GTPBP4: variants seen among roughly 807,000 people sequenced by gnomAD.
The protein encoded by GTPBP4 is GTP binding protein 4, also known as GTP-binding protein 4.
A neutral mutation model predicts 81.7 loss-of-function variants in GTPBP4; 15 were observed. The ratio of observed to expected loss-of-function variants is 0.18; its 90% CI spans 0.12 to 0.28. The LOEUF is 0.28. GTPBP4 is among the 10% of genes least tolerant of loss of function. The probability of loss-of-function intolerance (pLI) is 1.00; values close to 1 mark genes in which losing one functional copy is unlikely to be tolerated. For missense variants in GTPBP4, 847 were observed against 793.8 expected, an observed-to-expected ratio of 1.07 and a Z score of -0.81; for synonymous variants, 272 against 274.6, an observed-to-expected ratio of 0.99 and a Z score of 0.09.
In GTPBP4 at chr10:996,095, A is replaced by C. The variant is rs1210078106; in HGVS notation, c.324-11A>C. 1 of 1,587,082 alleles carries C rather than the reference A, an allele frequency of 6.3e-7. No individual in the cohort carries two copies. Among genetic ancestry groups the C allele is most frequent in the African/African-American group, 1.4e-5 (1 of 73,322 alleles). On this transcript the variant is annotated splice_polypyrimidine_tract_variant and intron_variant, in intron 3 of 16. Coordinates refer to ENST00000360803, the MANE Select transcript of GTPBP4 (RefSeq NM_012341.3). ...GAAAGTGGAAAAAATAATATTTTTT[A>C]TTTTTTACAGTGTTGCTAAAGATTA...
At chr10:990,583 C>T (rs1404380648) in intron 1 of GTPBP4, among the ~76,000 whole-genome samples, 2 of 151,138 alleles carry the variant, frequency 1.3e-5, no homozygotes, top group Non-Finnish European at 2.9e-5. Flanking sequence ...ATTAGCCAGG[C>T]GTGGTGGCGG....
chr10:1,012,444 A>G (rs777601067), intron 13 of GTPBP4, 21 bp from the exon 14 acceptor site: 2 of 1,563,740 alleles, frequency 1.3e-6, no homozygotes, highest in Non-Finnish European at 8.7e-7. Context: ...ATTTTGCTTC[A>G]TTACAACTCC....
At chr10:996,898 G>T in intron 4 of GTPBP4, 1 of 321,076 alleles carries the variant, frequency 3.1e-6, no homozygotes, top group Non-Finnish European at 5.7e-6. Context: ...ATGTCATCTT[G>T]CTAATGAGAA....
At chr10:1,010,552 T>C (rs1232299554) in intron 13 of GTPBP4, 32 bp downstream of exon 13, 7 of 1,145,338 alleles carry the variant, frequency 6.1e-6, no homozygotes, top group Non-Finnish European at 9.3e-6. Context: ...GCGGATTGTT[T>C]TCCTTTTTAT....
chr10:1,008,007 C>G (rs778118844), intron 10 of GTPBP4: 20 of 511,862 alleles, frequency 3.9e-5, no homozygotes, highest in South Asian at 2.7e-4. Context: ...TTTTTAACTT[C>G]AAATGTGCTG....
In GTPBP4 at chr10:996,112, T is replaced by C. The variant is rs1831533553; in HGVS notation, c.330T>C (p.Ala110=). The C allele has an allele frequency of 1.9e-6, 3 of 1,604,332 alleles. No homozygotes were observed. Among genetic ancestry groups the C allele is most frequent in the Non-Finnish European group, 2.6e-6 (3 of 1,173,264 alleles). The part of the protein sequence containing the change: ...NIAKNLVDNV[A]KDYVRLMKYG... ...TATTTTTTATTTTTTACAGTGTTGC[T>C]AAAGATTATGTGCGACTGATGAAGT... Residue 110 remains alanine, a synonymous_variant, in exon 4 of 17, where the codon GCT becomes GCC. Transcript: ENST00000360803.
At chr10:988,687 C>T (rs1010555025) in intron 1 of GTPBP4, 160 bp downstream of exon 1, 1 of 623,862 alleles carries the variant, frequency 1.6e-6, no homozygotes, top group East Asian at 2.8e-5. Context: ...GATCATTTCC[C>T]CTCCCCCAGC....
chr10:994,798 G>A (rs1831509910), intron 2 of GTPBP4, among the ~76,000 whole-genome samples: 1 of 152,188 alleles, frequency 6.6e-6, no homozygotes, highest in South Asian at 2.1e-4. Context: ...TCAGAGTGGA[G>A]GGTTAGATAT....
intron 12 of GTPBP4, among the ~76,000 whole-genome samples, chr10:1,009,859 G>C (rs1001758080): frequency 6.6e-6 from 1 of 152,206 alleles, no homozygotes; most frequent in African/African-American, 2.4e-5. Context: ...GCCGGGTGTG[G>C]TGGCATGTGC....
intron 8 of GTPBP4, among the ~76,000 whole-genome samples, 194 bp from the exon 9 acceptor site, chr10:1,005,624 G>T (rs1316310455): frequency 6.6e-6 from 1 of 152,136 alleles, no homozygotes; most frequent in African/African-American, 2.4e-5. Context: ...CCATCTTTTT[G>T]ATGTCATTTG....
chr10:1,011,092 C>T (rs1831858578), intron 13 of GTPBP4, among the ~76,000 whole-genome samples: 1 of 109,970 alleles, frequency 9.1e-6, no homozygotes, highest in Admixed American at 9.1e-5. Context: ...GACTGTGCCT[C>T]CTGCACCTCT....
chr10:1,008,655 A>G (rs574798426), intron 10 of GTPBP4, among the ~76,000 whole-genome samples: 1 of 152,218 alleles, frequency 6.6e-6, no homozygotes, highest in Non-Finnish European at 1.5e-5. Flanking sequence ...ATAATTTTTC[A>G]TGATAATCAT....
rs951061455 is a variant in GTPBP4, at chr10:1,019,373, A to G, written c.*2146A>G. 2 of 577,764 alleles carry G rather than the reference A, an allele frequency of 3.5e-6. No individual in the cohort carries two copies. The highest frequency in any genetic ancestry group is 6.0e-6 in the Non-Finnish European group (2 of 334,628). The allele number at this position is 577,764 out of a possible 1,614,324, so 35.8% of individuals were successfully genotyped here. The stretch of plus-strand genomic sequence containing the variant: ...AAATGAAGATATGACAAAGTTGATG[A>G]AAAGGTTGAAATAGTGATTTATACA... On this transcript the variant is annotated 3_prime_UTR_variant, in exon 17 of 17. Transcript: ENST00000360803.
At chr10:989,822 C>T (rs901946306) in intron 1 of GTPBP4, among the ~76,000 whole-genome samples, 6 of 152,068 alleles carry the variant, frequency 3.9e-5, no homozygotes, top group African/African-American at 1.2e-4. Context: ...CTGCAGCCAC[C>T]GCCTCCCAGG....
At chr10:1,010,634 C>T (rs1281593910) in intron 13 of GTPBP4, 114 bp downstream of exon 13, 5 of 724,392 alleles carry the variant, frequency 6.9e-6, no homozygotes, top group African/African-American at 1.8e-5. Flanking sequence ...TTCTGCACCC[C>T]TCCATCCTGA....
chr10:988,858 C>T (rs1431693805), intron 1 of GTPBP4: 2 of 282,114 alleles, frequency 7.1e-6, no homozygotes, highest in African/African-American at 4.4e-5. Context: ...GAGGGGGACC[C>T]CGACATGTGA....
chr10:998,647 C>T (rs1456841356), intron 5 of GTPBP4, among the ~76,000 whole-genome samples: 1 of 152,220 alleles, frequency 6.6e-6, no homozygotes, highest in African/African-American at 2.4e-5. Flanking sequence ...ACATGAGCCA[C>T]ATACTGAAAG....
At chr10:1,006,297 A>G (rs1344417516) in intron 9 of GTPBP4, among the ~76,000 whole-genome samples, 1 of 152,258 alleles carries the variant, frequency 6.6e-6, no homozygotes, top group Non-Finnish European at 1.5e-5. Context: ...TGGATTTCAC[A>G]TGCTGTCCTA....
chr10:1,011,109 CACCCCGA>C (rs1350950881), intron 13 of GTPBP4, among the ~76,000 whole-genome samples: 5 of 104,186 alleles, frequency 4.8e-5, no homozygotes, highest in Non-Finnish European at 1.0e-4. Flanking sequence ...CTCTTCCCCC[CACCCCGA>C]GACTCTGGTG....
Sources: allele counts gnomAD v4.1 joint callset (sites outside exome capture counted in the v4.1 genomes callset), GRCh38; gene constraint gnomAD v4.1.1; transcripts MANE v1.5; gene names NCBI Gene and HGNC (gene_info 2026-07-23, HGNC 2026-07-21).